Variants in ADA observed in about 807,000 individuals in gnomAD.
ADA encodes the protein adenosine deaminase, also known as adenosine aminohydrolase.
ADA carries 45 observed loss-of-function variants against 49.0 expected under a neutral mutation model. That is an observed-to-expected ratio of 0.92 (90% CI 0.72 to 1.18). The LOEUF (loss-of-function observed/expected upper bound fraction) is 1.18. Among genes scored for constraint, ADA ranks in the 50% most tolerant of loss-of-function variants. The probability of loss-of-function intolerance (pLI) is 0.00; values close to 1 mark genes in which losing one functional copy is unlikely to be tolerated. For missense variants in ADA, 445 were observed against 472.5 expected, an observed-to-expected ratio of 0.94 and a Z score of 0.54; for synonymous variants, 173 against 184.2, an observed-to-expected ratio of 0.94 and a Z score of 0.49.
At chr20:44,623,487 G>A (rs974353858) in intron 6 of ADA, among the ~76,000 whole-genome samples, 2 of 152,154 alleles carry the variant, frequency 1.3e-5, no homozygotes, top group East Asian at 1.9e-4. Flanking sequence ...TCATCATCAC[G>A]CTGGAAGCGA....
At chr20:44,635,294 G>A (rs1000694875) in intron 2 of ADA, among the ~76,000 whole-genome samples, 1 of 152,132 alleles carries the variant, frequency 6.6e-6, no homozygotes, top group African/African-American at 2.4e-5. Context: ...CAGAGATTTA[G>A]GCCCAGAGTT....
At chr20:44,624,466 G>A in intron 5 of ADA, 137 bp from the exon 6 acceptor site, 5 of 1,199,056 alleles carry the variant, frequency 4.2e-6, no homozygotes, top group Non-Finnish European at 6.1e-6. Context: ...AATCCTAACT[G>A]CTATGTCCTA....
intron 1 of ADA, among the ~76,000 whole-genome samples, chr20:44,638,134 A>C (rs2065497423): frequency 6.6e-6 from 1 of 152,174 alleles, no homozygotes; most frequent in Non-Finnish European, 1.5e-5. Context: ...CTTGACCCTG[A>C]GAAAGTCACT....
At chr20:44,647,965 G>A (rs971864596) in intron 1 of ADA, among the ~76,000 whole-genome samples, 2 of 152,064 alleles carry the variant, frequency 1.3e-5, no homozygotes, top group African/African-American at 2.4e-5. Flanking sequence ...AGGATCGCAT[G>A]AACCCAGGAG....
At chr20:44,621,310 C>G (rs576748046) in intron 9 of ADA, among the ~76,000 whole-genome samples, 163 bp from the exon 10 acceptor site, 3 of 152,312 alleles carry the variant, frequency 2.0e-5, no homozygotes, top group Non-Finnish European at 4.4e-5. Context: ...ACTTAGGTGA[C>G]TTGTTCAAGT....
intron 1 of ADA, among the ~76,000 whole-genome samples, chr20:44,649,200 T>C (rs1039300401): frequency 6.6e-6 from 1 of 152,226 alleles, no homozygotes; most frequent in Admixed American, 6.5e-5. Flanking sequence ...ATAATGTGTT[T>C]AGAACGGTGC....
At chr20:44,644,474 A>C (rs1368807402) in intron 1 of ADA, among the ~76,000 whole-genome samples, 3 of 152,138 alleles carry the variant, frequency 2.0e-5, no homozygotes, top group Admixed American at 6.5e-5. Flanking sequence ...CAGAACCCAC[A>C]CGGGGGCAGA....
chr20:44,620,460 G>T, intron 10 of ADA, 59 bp from the exon 11 acceptor site: 1 of 1,395,046 alleles, frequency 7.2e-7, no homozygotes, highest in Non-Finnish European at 1.0e-6. Flanking sequence ...GCAGCTCTTA[G>T]CAATGTAGTG....
chr20:44,636,137 A>G (rs2065477651), intron 2 of ADA, 90 bp downstream of exon 2: 1 of 1,200,762 alleles, frequency 8.3e-7, no homozygotes, highest in Non-Finnish European at 1.2e-6. Context: ...AGGAAGGAAC[A>G]GTGACCCTGG....
chr20:44,634,882 C>T (rs1019850378), intron 2 of ADA, among the ~76,000 whole-genome samples: 2 of 152,150 alleles, frequency 1.3e-5, no homozygotes, highest in East Asian at 1.9e-4. Context: ...ATTTGGGTCC[C>T]GAGCTGAATT....
intron 3 of ADA, among the ~76,000 whole-genome samples, chr20:44,627,585 C>G (rs994364920): frequency 6.6e-6 from 1 of 152,186 alleles, no homozygotes; most frequent in Non-Finnish European, 1.5e-5. Flanking sequence ...GGCTTATCAG[C>G]CAGTTTGCTG....
intron 2 of ADA, among the ~76,000 whole-genome samples, chr20:44,633,854 G>A (rs941532518): frequency 1.3e-5 from 2 of 152,264 alleles, no homozygotes; most frequent in African/African-American, 2.4e-5. Flanking sequence ...TCCCAGAGCT[G>A]GAAAAAGGGC....
In ADA at chr20:44,632,941, G is replaced by A. The variant is rs192683458; in HGVS notation, c.95+3286C>T. On this transcript the variant is annotated intron_variant, in intron 2 of 11. Transcript: ENST00000372874. ...ACTCCTGACCTCAGGTGATCCACCC[G>A]CCTTGGCCTCCCAAAGTGCTGGGAT... Among the ~76,000 whole-genome samples, 94 of 152,324 alleles carry A rather than the reference G, an allele frequency of 6.2e-4. No homozygotes were observed. In the East Asian group the frequency reaches 8.5e-3, roughly 14 times the overall value.
intron 10 of ADA, 130 bp downstream of exon 10, chr20:44,620,888 G>C: frequency 7.9e-7 from 1 of 1,266,888 alleles, no homozygotes. Context: ...AAAGTGTCTA[G>C]GTTGGGCTTG....
chr20:44,621,129 A>G lies in ADA; in HGVS notation c.864T>C (p.Ala288=). The change falls in exon 10 of 12, where the codon GCT becomes GCC. Residue 288 remains alanine (A), a synonymous_variant. Transcript: ENST00000372874. ...HAVIRLKNDQ[A]NYSLNTDDPL... is the part of the protein sequence containing the mutation. ...GGTCATCTGTGTTGAGCGAGTAGTT[A>G]GCCTGGTCATTTTTGAGCCTGCAGA... 8 of 1,614,136 alleles carry G rather than the reference A, an allele frequency of 5.0e-6. No individual in the cohort carries two copies. The highest frequency in any genetic ancestry group is 5.9e-6 in the Non-Finnish European group (7 of 1,180,020).
chr20:44,629,428 G>T (rs576706071), intron 2 of ADA, among the ~76,000 whole-genome samples: 1 of 152,150 alleles, frequency 6.6e-6, no homozygotes, highest in African/African-American at 2.4e-5. Context: ...GTGTGTGTGT[G>T]TGTGTGTGTG....
At chr20:44,626,750 TG>T (rs2065386281) in intron 3 of ADA, 151 bp from the exon 4 acceptor site, 5 of 955,766 alleles carry the variant, frequency 5.2e-6, no homozygotes, top group Non-Finnish European at 8.0e-6. Context: ...TCCCAGACAC[TG>T]GGCAAGTCCT....
chr20:44,620,399 G>A lies in ADA; in HGVS notation c.978C>T (p.Asn326=). The change falls in exon 11 of 12, where the codon AAC becomes AAT. Residue 326 remains asparagine (N), a splice_region_variant and synonymous_variant. Transcript: ENST00000372874. ...GFTEEEFKRL[N]INAAKSSFLP... ...GGAAACTAGATTTGGCCGCATTGAT[G>A]TTCTGGAAAGGCCAGAATGGCAGAC... 1.2e-6 allele frequency: 2 copies of A among 1,613,968 alleles called. No individual in the cohort carries two copies. The highest frequency in any genetic ancestry group is 2.2e-5 in the South Asian group (2 of 91,082).
intron 1 of ADA, among the ~76,000 whole-genome samples, chr20:44,649,851 T>TC (rs1220654537): frequency 1.4e-5 from 2 of 148,102 alleles, no homozygotes; most frequent in Non-Finnish European, 3.0e-5. Flanking sequence ...TTCTCCTGCC[T>TC]CAGCCTTCTG....
Sources: gnomAD v4.1 joint callset for allele counts (sites outside exome capture counted in the v4.1 genomes callset) on GRCh38, gnomAD v4.1.1 for gene constraint, MANE v1.5 for transcripts, NCBI Gene and HGNC (gene_info 2026-07-23, HGNC 2026-07-21) for gene names.